SMPD3: variants seen among roughly 807,000 people sequenced by gnomAD.
SMPD3 encodes the protein sphingomyelin phosphodiesterase 3.
SMPD3 carries 21 observed loss-of-function variants against 55.7 expected under a neutral mutation model. The observed-to-expected ratio is 0.38, with a 90% CI of 0.27 to 0.54. The LOEUF is 0.54. SMPD3 is among the 20% of genes least tolerant of loss of function. The pLI, the probability that SMPD3 is intolerant of heterozygous loss-of-function variation, is 0.80. For missense variants in SMPD3, 842 were observed against 899.6 expected (o/e 0.94, Z 0.82); for synonymous variants, 457 against 404.3 (o/e 1.13, Z -1.56).
intron 1 of SMPD3, among the ~76,000 whole-genome samples, chr16:68,430,635 C>T (rs546530286): frequency 2.4e-4 from 37 of 152,278 alleles, no homozygotes; most frequent in African/African-American, 8.7e-4. Context: ...CCTTCTCCCT[C>T]CCCCTGCCCC....
intron 1 of SMPD3, among the ~76,000 whole-genome samples, chr16:68,427,345 T>A (rs1382311954): frequency 6.6e-6 from 1 of 152,200 alleles, no homozygotes; most frequent in South Asian, 2.1e-4. Context: ...CTTACCACTT[T>A]TCTGTATCGT....
chr16:68,389,616 C>T (rs1407986226), intron 1 of SMPD3, among the ~76,000 whole-genome samples: 1 of 152,160 alleles, frequency 6.6e-6, no homozygotes, highest in African/African-American at 2.4e-5. Context: ...GGGCCAGGTA[C>T]CTTCGATGAG....
At chr16:68,400,012 C>T (rs899719704) in intron 1 of SMPD3, among the ~76,000 whole-genome samples, 30 of 152,292 alleles carry the variant, frequency 2.0e-4, no homozygotes, top group African/African-American at 6.0e-4. Context: ...ATTGTAGTCA[C>T]CATTTTACAG....
At position 68,363,568 on chromosome 16, in the gene SMPD3, G is replaced by A. The variant is rs368085659; in HGVS notation, c.1646-9C>T. 165 of 1,612,284 alleles carry A rather than the reference G, an allele frequency of 1.0e-4. No homozygotes were observed. Among genetic ancestry groups the A allele is most frequent in the Middle Eastern group, 3.3e-4 (2 of 6,026 alleles). On this transcript the variant is annotated splice_polypyrimidine_tract_variant and intron_variant, in intron 6 of 8. Transcript: ENST00000219334. Reference sequence around the variant, plus strand: ...CGTGTCCAGCAGAGTACCTGGGGGGGACGAGGGGGTGACAGTGGTCGCTGC... The same window carrying A: ...CGTGTCCAGCAGAGTACCTGGGGGGAACGAGGGGGTGACAGTGGTCGCTGC...
At chr16:68,370,550 T>G (rs2089630923) in intron 3 of SMPD3, among the ~76,000 whole-genome samples, 1 of 152,168 alleles carries the variant, frequency 6.6e-6, no homozygotes, top group Admixed American at 6.5e-5. Context: ...TACTGCTCTG[T>G]TCCACTCCCA....
At chr16:68,441,502 T>A (rs2090565441) in intron 1 of SMPD3, among the ~76,000 whole-genome samples, 1 of 152,146 alleles carries the variant, frequency 6.6e-6, no homozygotes, top group Admixed American at 6.5e-5. Context: ...CAAGTGAAAT[T>A]AATTTAAATA....
At chr16:68,382,642 G>A (rs1383581423) in intron 2 of SMPD3, among the ~76,000 whole-genome samples, 1 of 152,194 alleles carries the variant, frequency 6.6e-6, no homozygotes, top group Non-Finnish European at 1.5e-5. Context: ...AACTGAGAGT[G>A]GACTCAGGGA....
rs778862899 is a variant in SMPD3 at position 68,364,812 on chromosome 16, G to A, written c.1494C>T (p.Pro498=). 1.4e-5 allele frequency: 22 copies of A among 1,613,802 alleles called. No individual in the cohort carries two copies. The highest frequency in any genetic ancestry group is 1.7e-5 in the Non-Finnish European group (20 of 1,180,036). ...KSTSSSSAAN[P]EELVAFDVVC... ...CGACGTCAAATGCCACCAGCTCCTC[G>A]GGGTTGGCTGCGCTGGACGAGGAGG... Residue 498 remains proline, a synonymous_variant, in exon 5 of 9, where the codon CCC becomes CCT. Transcript: ENST00000219334.
intron 2 of SMPD3, among the ~76,000 whole-genome samples, chr16:68,379,199 G>A (rs1404523618): frequency 6.6e-6 from 1 of 152,256 alleles, no homozygotes; most frequent in African/African-American, 2.4e-5. Context: ...GGGAGGCCCT[G>A]CAGAACCTGG....
intron 2 of SMPD3, among the ~76,000 whole-genome samples, chr16:68,373,326 A>T (rs960392214): frequency 1.3e-5 from 2 of 152,236 alleles, no homozygotes; most frequent in Non-Finnish European, 2.9e-5. Flanking sequence ...AGGTGCATCT[A>T]TTGTGCTGAA....
At chr16:68,376,704 T>C (rs1006087727) in intron 2 of SMPD3, among the ~76,000 whole-genome samples, 5 of 152,162 alleles carry the variant, frequency 3.3e-5, no homozygotes, top group African/African-American at 1.2e-4. Flanking sequence ...GCAGGCCCCA[T>C]GGTCACTCCT....
At position 68,372,311 on chromosome 16, in the gene SMPD3, C is replaced by G; in HGVS notation, c.-130G>C. The G allele has an allele frequency of 1.6e-6, 2 of 1,240,012 alleles. No homozygotes were observed. The highest frequency in any genetic ancestry group is 2.3e-6 in the Non-Finnish European group (2 of 887,240). The allele number at this position is 1,240,012 out of a possible 1,614,324, so 76.8% of individuals were successfully genotyped here. On this transcript the variant is annotated 5_prime_UTR_variant, in exon 3 of 9. Coordinates refer to ENST00000219334, the MANE Select transcript of SMPD3 (RefSeq NM_018667.4). ...GGTCACCTCCTGGCGAGATGCAACT[C>G]CGGCTGGTCAATGGCGAATGTTGGC...
chr16:68,445,429 T>C (rs760951083), intron 1 of SMPD3, among the ~76,000 whole-genome samples: 1 of 152,222 alleles, frequency 6.6e-6, no homozygotes, highest in Non-Finnish European at 1.5e-5. Flanking sequence ...TCTTTAAACA[T>C]TTCCATAGAG....
chr16:68,435,728 T>C (rs1000770387), intron 1 of SMPD3, among the ~76,000 whole-genome samples: 4 of 152,204 alleles, frequency 2.6e-5, no homozygotes, highest in Non-Finnish European at 5.9e-5. Flanking sequence ...AGTGATCCTC[T>C]GCCTGACTCG....
intron 1 of SMPD3, among the ~76,000 whole-genome samples, chr16:68,433,712 C>T (rs1413000141): frequency 1.1e-4 from 16 of 152,210 alleles, no homozygotes; most frequent in Admixed American, 2.0e-4. Flanking sequence ...AGGACCTGGA[C>T]GAGCGAAGAA....
chr16:68,426,762 G>A (rs544519427), intron 1 of SMPD3, among the ~76,000 whole-genome samples: 8 of 152,050 alleles, frequency 5.3e-5, no homozygotes, highest in Non-Finnish European at 1.2e-4. Context: ...TATTTCATAC[G>A]GATTCAGCCT....
intron 1 of SMPD3, among the ~76,000 whole-genome samples, chr16:68,403,890 C>T (rs949654409): frequency 6.6e-6 from 1 of 152,190 alleles, no homozygotes; most frequent in Non-Finnish European, 1.5e-5. Flanking sequence ...GGTGACCACA[C>T]ACACAGGAGT....
intron 2 of SMPD3, among the ~76,000 whole-genome samples, chr16:68,374,725 T>G (rs750129139): frequency 6.6e-6 from 1 of 151,988 alleles, no homozygotes; most frequent in African/African-American, 2.4e-5. Flanking sequence ...GGCTGGAGGG[T>G]TCCCCCCCAG....
chr16:68,379,053 C>T (rs976448121), intron 2 of SMPD3, among the ~76,000 whole-genome samples: 4 of 152,220 alleles, frequency 2.6e-5, no homozygotes, highest in African/African-American at 9.6e-5. Flanking sequence ...TGGCATTTGC[C>T]ACCAAATGGA....
Sources: gnomAD v4.1 joint callset for allele counts (sites outside exome capture counted in the v4.1 genomes callset) on GRCh38, gnomAD v4.1.1 for gene constraint, MANE v1.5 for transcripts, NCBI Gene and HGNC (gene_info 2026-07-23, HGNC 2026-07-21) for gene names.